The following GRXCR1 variants were observed in gnomAD, a reference collection of about 807,000 sequenced individuals.
GRXCR1 encodes glutaredoxin and cysteine rich domain containing 1.
Under a neutral mutation model 27.3 loss-of-function variants are expected in GRXCR1, and 27 were observed. The observed-to-expected ratio is 0.99, with a 90% CI of 0.73 to 1.37. The LOEUF is 1.37. Ranked by LOEUF, GRXCR1 falls within the 40% of genes most tolerant of loss-of-function variation. The pLI is 0.00. For missense variants in GRXCR1, 379 were observed against 354.4 expected (o/e 1.07, Z -0.56); for synonymous variants, 122 against 131.1 (o/e 0.93, Z 0.47).
At chr4:42,962,649 A>G (rs750862186) in intron 1 of GRXCR1, among the ~76,000 whole-genome samples, 1 of 151,988 alleles carries the variant, frequency 6.6e-6, no homozygotes, top group Non-Finnish European at 1.5e-5. Context: ...CAACTTTAAG[A>G]TTAGCTATTA....
intron 1 of GRXCR1, among the ~76,000 whole-genome samples, chr4:42,913,927 T>A (rs1021758297): frequency 6.6e-6 from 1 of 152,226 alleles, no homozygotes; most frequent in Admixed American, 6.5e-5. Flanking sequence ...CCCCAAGCCT[T>A]GGTGGCTTAC....
chr4:42,968,459 C>CCA (rs950774756), intron 2 of GRXCR1, among the ~76,000 whole-genome samples: 2 of 151,832 alleles, frequency 1.3e-5, no homozygotes, highest in African/African-American at 2.4e-5. Flanking sequence ...TGGTTCTTTT[C>CCA]CACACACACA....
intron 3 of GRXCR1, among the ~76,000 whole-genome samples, chr4:43,024,236 T>C (rs942818488): frequency 1.1e-5 from 1 of 95,036 alleles, no homozygotes; most frequent in Non-Finnish European, 2.0e-5. Context: ...AAAAATTACT[T>C]AATCTGATTC....
rs5857877 is a variant in GRXCR1, at chr4:42,948,234, C to CT, written c.385-14644dup. Among the ~76,000 whole-genome samples, 611 of 147,444 alleles carry CT rather than the reference C, an allele frequency of 4.1e-3. 4 individuals carry two copies. The highest frequency in any genetic ancestry group is 0.028 in the Middle Eastern group (8 of 290). ...TTGCTTTTCACAGCAATTTCTAGGGCTTTTTTTTTTTTTTAATACCTGAAA... is the reference window on the plus strand; with the variant it reads ...TTGCTTTTCACAGCAATTTCTAGGGCTTTTTTTTTTTTTTTAATACCTGAAA... On this transcript the variant is annotated intron_variant, in intron 1 of 3. Transcript: ENST00000399770.
intron 1 of GRXCR1, among the ~76,000 whole-genome samples, chr4:42,908,053 C>G (rs1286083123): frequency 6.6e-6 from 1 of 152,272 alleles, no homozygotes; most frequent in South Asian, 2.1e-4. Flanking sequence ...GGGGTCATCT[C>G]CTGAACTGAT....
At chr4:42,951,529 T>C (rs1747883627) in intron 1 of GRXCR1, among the ~76,000 whole-genome samples, 1 of 152,176 alleles carries the variant, frequency 6.6e-6, no homozygotes, top group Non-Finnish European at 1.5e-5. Context: ...TCCTCTGATA[T>C]ACGTTGCTAA....
chr4:42,903,530 T>C lies in GRXCR1; in HGVS notation c.384+9880T>C, dbSNP rs187054669. On this transcript the variant is annotated intron_variant, in intron 1 of 3. Transcript: ENST00000399770. ...GGTTTAACCATGTTAGCCAGGATGG[T>C]CTCTATCTCCAGACCTTGTGATCCG... Among the ~76,000 whole-genome samples, 57 of 147,270 alleles carry C rather than the reference T, an allele frequency of 3.9e-4. 6 individuals are homozygous for C. The highest frequency in any genetic ancestry group is 2.3e-3 in the Admixed American group (32 of 14,058).
In GRXCR1 at chr4:42,955,010, G is replaced by A. The variant is rs559744183; in HGVS notation, c.385-7882G>A. 4.6e-5 allele frequency among the ~76,000 whole-genome samples: 7 copies of A among 152,240 alleles called. No individual in the cohort carries two copies. In the East Asian group the frequency reaches 1.4e-3, roughly 29 times the overall value. On this transcript the variant is annotated intron_variant, in intron 1 of 3. Transcript: ENST00000399770. ...ATAGAGGTTTACAGAATATCATGGAGAGGGAGAGAGAGCGATATATGTAAA... is the reference window on the plus strand; with the variant it reads ...ATAGAGGTTTACAGAATATCATGGAAAGGGAGAGAGAGCGATATATGTAAA...
intron 2 of GRXCR1, among the ~76,000 whole-genome samples, chr4:42,991,738 C>G (rs975018277): frequency 6.6e-6 from 1 of 152,012 alleles, no homozygotes; most frequent in Non-Finnish European, 1.5e-5. Flanking sequence ...TTATCATCCT[C>G]TGTTTATATA....
intron 2 of GRXCR1, among the ~76,000 whole-genome samples, chr4:42,994,279 A>G (rs1204363835): frequency 6.6e-6 from 1 of 152,136 alleles, no homozygotes; most frequent in African/African-American, 2.4e-5. Context: ...TAGTCTTTCA[A>G]AGTCTCTCAT....
At chr4:42,987,202 ATATATATAT>A in intron 2 of GRXCR1, among the ~76,000 whole-genome samples, 1 of 50,868 alleles carries the variant, frequency 2.0e-5, no homozygotes, top group African/African-American at 9.2e-5. Flanking sequence ...CATAGTTTTC[ATATATATAT>A]TATATATATA....
intron 2 of GRXCR1, among the ~76,000 whole-genome samples, chr4:43,014,584 C>T (rs1438972776): frequency 6.6e-6 from 1 of 152,136 alleles, no homozygotes; most frequent in Non-Finnish European, 1.5e-5. Flanking sequence ...CTCTTCAGTT[C>T]CCATTAAATG....
At chr4:42,995,185 G>T (rs1353240423) in intron 2 of GRXCR1, among the ~76,000 whole-genome samples, 1 of 152,044 alleles carries the variant, frequency 6.6e-6, no homozygotes, top group Non-Finnish European at 1.5e-5. Flanking sequence ...AAATTAATGT[G>T]TCCAGCGTTG....
intron 1 of GRXCR1, among the ~76,000 whole-genome samples, chr4:42,948,158 T>A (rs1003066872): frequency 1.3e-5 from 2 of 152,108 alleles, no homozygotes; most frequent in African/African-American, 4.8e-5. Flanking sequence ...TTTTCATTTG[T>A]GTCTTCCTTT....
rs553930856 is a variant in GRXCR1 at position 42,983,410 on chromosome 4, T to C, written c.627+20276T>C. Among the ~76,000 whole-genome samples the C allele has an allele frequency of 2.0e-5, 3 of 151,424 alleles. No homozygotes were observed. The East Asian group carries it at 5.8e-4, about 29-fold the overall frequency. On this transcript the variant is annotated intron_variant, in intron 2 of 3. Transcript: ENST00000399770. The stretch of plus-strand genomic sequence containing the variant: ...TGAGGGCTCTGTTCTGTTCCATTGA[T>C]CTATATCTCTGTTTTGGTACCAGTA...
At chr4:42,960,147 A>G (rs929974923) in intron 1 of GRXCR1, among the ~76,000 whole-genome samples, 5 of 152,018 alleles carry the variant, frequency 3.3e-5, no homozygotes, top group Non-Finnish European at 7.4e-5. Context: ...GAGTTGGTTA[A>G]CATGGCAGCA....
At chr4:42,974,551 T>G (rs1748464530) in intron 2 of GRXCR1, among the ~76,000 whole-genome samples, 1 of 152,098 alleles carries the variant, frequency 6.6e-6, no homozygotes, top group Non-Finnish European at 1.5e-5. Flanking sequence ...TTGGTTTCAT[T>G]TCATTTCTTC....
intron 2 of GRXCR1, among the ~76,000 whole-genome samples, chr4:42,999,510 T>TG (rs1194539388): frequency 6.6e-6 from 1 of 152,214 alleles, no homozygotes; most frequent in East Asian, 1.9e-4. Context: ...CACTCCCCTT[T>TG]CTTTGGAAGT....
At chr4:43,017,986 C>A (rs779361022) in intron 2 of GRXCR1, among the ~76,000 whole-genome samples, 62 of 152,150 alleles carry the variant, frequency 4.1e-4, no homozygotes, top group Non-Finnish European at 8.4e-4. Context: ...TGGGAGTGAT[C>A]TGTAATATTT....
Sources: gnomAD v4.1 joint callset for allele counts (sites outside exome capture counted in the v4.1 genomes callset) on GRCh38, gnomAD v4.1.1 for gene constraint, MANE v1.5 for transcripts, NCBI Gene and HGNC (gene_info 2026-07-23, HGNC 2026-07-21) for gene names.